Variants in ABTB3 observed in about 807,000 individuals in gnomAD.
ABTB3 encodes ankyrin repeat- and BTB/POZ domain-containing protein 3.
At chr12:107,653,424 G>A in the ABTB3 span, among the ~76,000 whole-genome samples, 3 of 152,060 alleles carry the variant, frequency 2.0e-5, no homozygotes, top group Admixed American at 2.0e-4. Flanking sequence ...AGCTGAGGCA[G>A]GAGAATGGCA....
the ABTB3 span, chr12:107,520,690 G>A: frequency 6.3e-7 from 1 of 1,598,448 alleles, no homozygotes; most frequent in Non-Finnish European, 8.5e-7. Flanking sequence ...TCCTGTCTGT[G>A]CCCGAAGTGA....
At chr12:107,599,742 TG>T in the ABTB3 span, among the ~76,000 whole-genome samples, 1 of 152,118 alleles carries the variant, frequency 6.6e-6, no homozygotes, top group Non-Finnish European at 1.5e-5. Context: ...ATCCAGTGCC[TG>T]GCCGATACTG....
At chr12:107,416,609 C>A in the ABTB3 span, among the ~76,000 whole-genome samples, 8 of 152,178 alleles carry the variant, frequency 5.3e-5, no homozygotes, top group African/African-American at 1.2e-4. Flanking sequence ...AGTTGGTTGT[C>A]TGGCCCTGTC....
At chr12:107,407,984 C>G in the ABTB3 span, among the ~76,000 whole-genome samples, 1 of 152,052 alleles carries the variant, frequency 6.6e-6, no homozygotes, top group East Asian at 1.9e-4. Context: ...TCCCCCCAAC[C>G]CCCAACCTCC....
the ABTB3 span, among the ~76,000 whole-genome samples, chr12:107,638,248 A>G: frequency 6.6e-6 from 1 of 152,172 alleles, no homozygotes; most frequent in African/African-American, 2.4e-5. Context: ...GAGGACCACC[A>G]GGACCACCGT....
chr12:107,514,334 A>G, the ABTB3 span, among the ~76,000 whole-genome samples: 17 of 152,284 alleles, frequency 1.1e-4, no homozygotes, highest in African/African-American at 3.4e-4. Context: ...CCTTTGGAGA[A>G]TTTGAATGAA....
At chr12:107,404,393 T>C in the ABTB3 span, among the ~76,000 whole-genome samples, 1 of 152,012 alleles carries the variant, frequency 6.6e-6, no homozygotes, top group Non-Finnish European at 1.5e-5. Flanking sequence ...CAGAAAAACT[T>C]GTAGTTTGGG....
chr12:107,331,045 T>A, the ABTB3 span, among the ~76,000 whole-genome samples: 9 of 152,314 alleles, frequency 5.9e-5, no homozygotes, highest in Middle Eastern at 3.4e-3. Context: ...ATTAACTGAT[T>A]TTCTCTGGGT....
the ABTB3 span, among the ~76,000 whole-genome samples, chr12:107,647,638 A>G: frequency 6.6e-6 from 1 of 152,390 alleles, no homozygotes; most frequent in Middle Eastern, 3.4e-3. Flanking sequence ...ACAAGGCGGC[A>G]TGTAGCAGAA....
At chr12:107,600,907 A>G in the ABTB3 span, among the ~76,000 whole-genome samples, 1 of 152,214 alleles carries the variant, frequency 6.6e-6, no homozygotes, top group African/African-American at 2.4e-5. Flanking sequence ...CAATTGGAAA[A>G]GGACTTGGCA....
the ABTB3 span, among the ~76,000 whole-genome samples, chr12:107,459,335 T>C: frequency 1.3e-5 from 2 of 152,196 alleles, no homozygotes; most frequent in Non-Finnish European, 2.9e-5. Context: ...TTGTGATTGA[T>C]TGATTGATTC....
chr12:107,387,277 CA>C, the ABTB3 span, among the ~76,000 whole-genome samples: 1 of 152,344 alleles, frequency 6.6e-6, no homozygotes, highest in East Asian at 1.9e-4. Flanking sequence ...TGTGCCTGGC[CA>C]AGTCAGCTGC....
At chr12:107,493,125 G>C in the ABTB3 span, among the ~76,000 whole-genome samples, 1 of 151,854 alleles carries the variant, frequency 6.6e-6, no homozygotes, top group African/African-American at 2.4e-5. Flanking sequence ...ATAGAGGGGA[G>C]AAGAGTAAGT....
At chr12:107,322,623 A>T in the ABTB3 span, among the ~76,000 whole-genome samples, 1 of 152,174 alleles carries the variant, frequency 6.6e-6, no homozygotes, top group Non-Finnish European at 1.5e-5. Flanking sequence ...CAGTTGCCGA[A>T]TTCTAGGGTC....
At chr12:107,658,984 A>G in the ABTB3 span, 1 of 152,658 alleles carries the variant, frequency 6.6e-6, no homozygotes, top group African/African-American at 2.4e-5. Flanking sequence ...TATAAGCAAA[A>G]GAGATTGGTA....
chr12:107,651,640 C>T, the ABTB3 span: 11 of 1,525,852 alleles, frequency 7.2e-6, no homozygotes, highest in South Asian at 1.1e-5. Flanking sequence ...CATCCACCTC[C>T]CAGCCTCTAA....
the ABTB3 span, among the ~76,000 whole-genome samples, chr12:107,418,469 A>G: frequency 6.6e-6 from 1 of 152,224 alleles, no homozygotes; most frequent in African/African-American, 2.4e-5. Flanking sequence ...GCTGGTTCTT[A>G]GAAGTCAAGC....
chr12:107,351,303 C>G, the ABTB3 span, among the ~76,000 whole-genome samples: 1 of 152,148 alleles, frequency 6.6e-6, no homozygotes, highest in Non-Finnish European at 1.5e-5. Context: ...ATGAGTAGCC[C>G]CAGGTCTTCT....
chr12:107,398,063 C>CAA, the ABTB3 span, among the ~76,000 whole-genome samples: 6 of 152,180 alleles, frequency 3.9e-5, no homozygotes, highest in African/African-American at 1.4e-4. Context: ...GAAGGCCCTT[C>CAA]ATTCCTCTGC....
Sources: allele counts gnomAD v4.1 joint callset (sites outside exome capture counted in the v4.1 genomes callset), GRCh38; gene constraint gnomAD v4.1.1; transcripts MANE v1.5; gene names NCBI Gene and HGNC (gene_info 2026-07-23, HGNC 2026-07-21).